ESR1: variants seen among roughly 807,000 people sequenced by gnomAD.
The protein encoded by ESR1 is estrogen receptor.
A neutral mutation model predicts 52.7 loss-of-function variants in ESR1; 12 were observed. That is an observed-to-expected ratio of 0.23 (90% CI 0.15 to 0.37). The LOEUF (loss-of-function observed/expected upper bound fraction) is 0.37, where lower values mean the gene tolerates loss of function less well. Among genes scored for constraint, ESR1 ranks in the 10% least tolerant of loss-of-function variants. ESR1 has a pLI of 1.00. For synonymous variants in ESR1, 305 were observed against 316.8 expected (o/e 0.96, Z 0.39); for missense variants, 584 against 779.7 (o/e 0.75, Z 2.99).
intron 1 of ESR1, among the ~76,000 whole-genome samples, chr6:151,678,359 G>C (rs1358881374): frequency 6.6e-6 from 1 of 151,910 alleles, no homozygotes; most frequent in Non-Finnish European, 1.5e-5. Context: ...TATAATCCCA[G>C]CTACTTGGGA....
At chr6:151,938,020 T>C (rs9322345) in intron 3 of ESR1, among the ~76,000 whole-genome samples, 122,492 of 152,150 alleles carry the variant, frequency 0.81, 50,220 homozygotes, top group African/African-American at 0.95. Context: ...CTTAATGAAT[T>C]AGCACTCCCG....
upstream of ESR1, among the ~76,000 whole-genome samples, chr6:151,686,930 G>C: frequency 6.6e-6 from 1 of 152,190 alleles, no homozygotes; most frequent in East Asian, 1.9e-4. Context: ...GTGCTCATGG[G>C]TCCAGAGCCC....
chr6:151,799,596 C>T (rs1264113027), upstream of ESR1, among the ~76,000 whole-genome samples: 1 of 152,170 alleles, frequency 6.6e-6, no homozygotes, highest in African/African-American at 2.4e-5. Context: ...CTTTGGAAAA[C>T]AGAGTCCTTG....
intron 2 of ESR1, among the ~76,000 whole-genome samples, chr6:151,879,845 C>T (rs1792500078): frequency 2.0e-5 from 3 of 152,264 alleles, no homozygotes; most frequent in Non-Finnish European, 4.4e-5. Context: ...TGAACTTCGT[C>T]ACCACCCAGC....
chr6:151,825,535 C>G (rs951874006), intron 1 of ESR1, among the ~76,000 whole-genome samples: 2 of 152,154 alleles, frequency 1.3e-5, no homozygotes, highest in African/African-American at 4.8e-5. Flanking sequence ...TCCTTTTACT[C>G]AGTCCTAACC....
chr6:151,662,500 G>T (rs543193560), intron 1 of ESR1, among the ~76,000 whole-genome samples: 2 of 152,330 alleles, frequency 1.3e-5, no homozygotes, highest in African/African-American at 4.8e-5. Context: ...AGCCAGGTTT[G>T]TCTGGGTCTT....
intron 1 of ESR1, among the ~76,000 whole-genome samples, chr6:151,838,574 G>A (rs17081779): frequency 0.013 from 2,045 of 152,286 alleles, 42 homozygotes; most frequent in African/African-American, 0.044. Flanking sequence ...GATACTCAAC[G>A]TGAACATTAT....
intron 3 of ESR1, among the ~76,000 whole-genome samples, chr6:151,900,081 C>T (rs1375626571): frequency 6.6e-6 from 1 of 152,226 alleles, no homozygotes; most frequent in Admixed American, 6.5e-5. Context: ...TGAGATCACG[C>T]CACTGCACTC....
At chr6:151,691,860 T>C (rs1181370315) in intron 1 of ESR1, among the ~76,000 whole-genome samples, 3 of 152,204 alleles carry the variant, frequency 2.0e-5, no homozygotes, top group Non-Finnish European at 4.4e-5. Context: ...AATATTTTCT[T>C]TGATTTTGTT....
intron 1 of ESR1, among the ~76,000 whole-genome samples, chr6:151,665,068 A>G (rs747795876): frequency 1.3e-5 from 2 of 152,222 alleles, no homozygotes; most frequent in Non-Finnish European, 2.9e-5. Context: ...CAGAAATAGC[A>G]GTGATAAAAA....
intron 2 of ESR1, among the ~76,000 whole-genome samples, chr6:151,728,811 T>A (rs1397701083): frequency 6.6e-6 from 1 of 152,212 alleles, no homozygotes; most frequent in African/African-American, 2.4e-5. Context: ...ACAGCAAAAG[T>A]GCTTTCTCAC....
At chr6:151,797,868 A>G (rs1776860294) in intron 2 of ESR1, among the ~76,000 whole-genome samples, 1 of 152,194 alleles carries the variant, frequency 6.6e-6, no homozygotes. Flanking sequence ...GTATTTTATC[A>G]GTTCTCTACG....
chr6:152,028,092 C>T (rs1357141786), intron 5 of ESR1, among the ~76,000 whole-genome samples: 1 of 152,004 alleles, frequency 6.6e-6, no homozygotes. Context: ...TGCAGTGAGC[C>T]AAGATCACGC....
chr6:151,680,702 C>G (rs973758736), intron 1 of ESR1, among the ~76,000 whole-genome samples: 1 of 152,136 alleles, frequency 6.6e-6, no homozygotes, highest in Non-Finnish European at 1.5e-5. Context: ...ATCTTTCAGT[C>G]CGTAATAGTT....
At chr6:152,066,719 C>G (rs2047993661) in intron 6 of ESR1, among the ~76,000 whole-genome samples, 1 of 152,172 alleles carries the variant, frequency 6.6e-6, no homozygotes, top group African/African-American at 2.4e-5. Flanking sequence ...TTGCCTTAAG[C>G]AAGCCTCATG....
In ESR1 at chr6:151,969,757, G is replaced by A. The variant is rs554091978; in HGVS notation, c.1096+25249G>A. Among the ~76,000 whole-genome samples the A allele has an allele frequency of 5.3e-5, 8 of 152,276 alleles. No individual in the cohort carries two copies. The South Asian group carries it at 1.2e-3, about 24-fold the overall frequency. On this transcript the variant is annotated intron_variant, in intron 4 of 7. Transcript: ENST00000206249. ...CATTGTGAGCATAAACACCTTAGACGTTTTTTCATTTCAGGACACTGGAGC... is the reference window on the plus strand; with the variant it reads ...CATTGTGAGCATAAACACCTTAGACATTTTTTCATTTCAGGACACTGGAGC...
At chr6:151,696,966 G>A (rs1779396559) in intron 1 of ESR1, among the ~76,000 whole-genome samples, 1 of 152,138 alleles carries the variant, frequency 6.6e-6, no homozygotes, top group Admixed American at 6.5e-5. Flanking sequence ...AAGGCATGGG[G>A]GAGGTGGTTT....
chr6:152,059,668 A>G (rs1240112264), intron 5 of ESR1, among the ~76,000 whole-genome samples: 2 of 152,162 alleles, frequency 1.3e-5, no homozygotes, highest in South Asian at 2.1e-4. Context: ...TGAACTATCA[A>G]AATTTAAAAT....
At chr6:152,124,457 A>T (rs777954041) in intron 6 of ESR1, among the ~76,000 whole-genome samples, 23 of 152,222 alleles carry the variant, frequency 1.5e-4, no homozygotes, top group Non-Finnish European at 2.6e-4. Context: ...ACGGCAGGGT[A>T]ATGTAACCTT....
Sources: gnomAD v4.1 joint callset for allele counts (sites outside exome capture counted in the v4.1 genomes callset) on GRCh38, gnomAD v4.1.1 for gene constraint, MANE v1.5 for transcripts, NCBI Gene and HGNC (gene_info 2026-07-23, HGNC 2026-07-21) for gene names.